Variants in TNIK observed in about 807,000 individuals in gnomAD.
The protein encoded by TNIK is TRAF2 and NCK-interacting protein kinase.
A neutral mutation model predicts 191.3 loss-of-function variants in TNIK; 49 were observed. The observed-to-expected ratio is 0.26, with a 90% CI of 0.20 to 0.32. TNIK has a LOEUF of 0.32. Among genes scored for constraint, TNIK ranks in the 10% least tolerant of loss-of-function variants. The pLI, the probability that TNIK is intolerant of heterozygous loss-of-function variation, is 1.00. For synonymous variants in TNIK, 594 were observed against 600.9 expected (o/e 0.99, Z 0.17); for missense variants, 1,155 against 1,702.3 (o/e 0.68, Z 5.66).
chr3:171,364,365 A>AT (rs1057276857), intron 2 of TNIK, among the ~76,000 whole-genome samples: 11 of 135,830 alleles, frequency 8.1e-5, no homozygotes, highest in African/African-American at 3.3e-4. Context: ...ATCCCATTAT[A>AT]AAAAAAAAAA....
chr3:171,366,298 T>C lies in TNIK; in HGVS notation c.123+3322A>G, dbSNP rs183439508. ...AACAGACATTGAATCACTACTTGAT[T>C]AGATGGGACTAAAATGCTAAAGATA... On this transcript the variant is annotated intron_variant, in intron 2 of 32. Coordinates refer to ENST00000436636, the MANE Select transcript of TNIK (RefSeq NM_015028.4). This position sits in a 1 kb window ranked among gnomAD's most constrained non-coding sequence, Gnocchi z 4.1. 5.9e-5 allele frequency among the ~76,000 whole-genome samples: 9 copies of C among 152,300 alleles called. No individual in the cohort carries two copies. The East Asian group carries it at 1.5e-3, about 26-fold the overall frequency.
intron 22 of TNIK, among the ~76,000 whole-genome samples, chr3:171,094,220 T>C (rs55924694): frequency 0.098 from 14,823 of 151,876 alleles, 807 homozygotes; most frequent in Middle Eastern, 0.16. Context: ...CTGCAAGCTC[T>C]GCCTCCCAGG....
chr3:171,459,555 G>C (rs931456050), intron 1 of TNIK, among the ~76,000 whole-genome samples: 1 of 152,092 alleles, frequency 6.6e-6, no homozygotes, highest in Admixed American at 6.5e-5. Flanking sequence ...GCCTCACAAT[G>C]TCATCTTGCA....
chr3:171,252,352 C>T (rs936807678), intron 2 of TNIK, among the ~76,000 whole-genome samples: 20 of 151,944 alleles, frequency 1.3e-4, no homozygotes, highest in African/African-American at 4.8e-4. Context: ...ATATGGGCAG[C>T]CGATGAAAAT....
intron 30 of TNIK, among the ~76,000 whole-genome samples, chr3:171,068,602 C>T (rs1718765719): frequency 6.6e-6 from 1 of 152,124 alleles, no homozygotes; most frequent in Admixed American, 6.5e-5. Flanking sequence ...AATCTAAAGT[C>T]CAAAGAGACA....
Position 171,108,127 on chromosome 3 carries a change from G to A in TNIK, c.2320C>T (p.His774Tyr). 1.9e-6 allele frequency: 3 copies of A among 1,576,080 alleles called. No homozygotes were observed. Among genetic ancestry groups the A allele is most frequent in the Non-Finnish European group, 2.6e-6 (3 of 1,159,738 alleles). The change falls in exon 20 of 33, where the codon CAT becomes TAT. Residue 774 changes from histidine to tyrosine, a missense_variant. Physicochemically the swap from His to Tyr is moderately conservative, Grantham distance 83. This residue lies in a region of TNIK where 735 missense variants were observed against 848.0 expected (regional missense o/e 0.87). Coordinates refer to ENST00000436636, the MANE Select transcript of TNIK (RefSeq NM_015028.4). ...SKSEGSPVLP[H>Y]EPAKVKPEES... is the part of the protein sequence containing the mutation. Reference sequence around the variant, plus strand: ...TCTGGTTTCACCTTCGCAGGCTCATGGGGGAGCACAGGTGATCCTTCTGAC... The same window carrying A: ...TCTGGTTTCACCTTCGCAGGCTCATAGGGGAGCACAGGTGATCCTTCTGAC...
At chr3:171,084,987 A>G in intron 25 of TNIK, 131 bp downstream of exon 25, 1 of 622,994 alleles carries the variant, frequency 1.6e-6, no homozygotes, top group Non-Finnish European at 2.6e-6. Context: ...TAATTTTAAA[A>G]AGTCTTCCTT....
At chr3:171,300,321 A>G (rs1386315309) in intron 2 of TNIK, among the ~76,000 whole-genome samples, 1 of 152,220 alleles carries the variant, frequency 6.6e-6, no homozygotes, top group Non-Finnish European at 1.5e-5. Context: ...GCCAGGAAGA[A>G]CAGGAGTATG....
chr3:171,107,373 T>C (rs1486802523), intron 20 of TNIK, among the ~76,000 whole-genome samples, 167 bp from the exon 21 acceptor site: 1 of 152,134 alleles, frequency 6.6e-6, no homozygotes, highest in Non-Finnish European at 1.5e-5. Flanking sequence ...ATTATTACTC[T>C]CGGTATACGT....
At chr3:171,356,419 A>C (rs987758366) in intron 2 of TNIK, among the ~76,000 whole-genome samples, 2 of 152,264 alleles carry the variant, frequency 1.3e-5, no homozygotes, top group South Asian at 2.1e-4. Flanking sequence ...GTACAAAAAC[A>C]CAGTGTCCCC....
chr3:171,459,238 A>G (rs1051518141), intron 1 of TNIK, among the ~76,000 whole-genome samples: 6 of 152,024 alleles, frequency 3.9e-5, no homozygotes, highest in Admixed American at 3.3e-4. Flanking sequence ...ACACACACAC[A>G]CACACTCGCA....
rs1035786276 is a variant in TNIK, at chr3:171,460,379, G to C, written c.-316C>G. The C allele has an allele frequency of 3.5e-5, 16 of 453,046 alleles. No homozygotes were observed. The highest frequency in any genetic ancestry group is 6.1e-4 in the Middle Eastern group (1 of 1,628). 28.1% of individuals were successfully genotyped at this position (453,046 alleles called of 1,614,324 possible). ...ATGGGACATGCTTCTTTGCTTGTGCGTGGATGGCGGCTGCATTGGCTGTTA... is the reference window on the plus strand; with the variant it reads ...ATGGGACATGCTTCTTTGCTTGTGCCTGGATGGCGGCTGCATTGGCTGTTA... On this transcript the variant is annotated 5_prime_UTR_variant, in exon 1 of 33. Coordinates refer to ENST00000436636, the MANE Select transcript of TNIK (RefSeq NM_015028.4). The surrounding 1 kb of genome is among the most constrained non-coding windows in gnomAD (Gnocchi z 6.8).
chr3:171,431,337 C>T (rs1374912031), intron 1 of TNIK, among the ~76,000 whole-genome samples: 1 of 151,944 alleles, frequency 6.6e-6, no homozygotes, highest in African/African-American at 2.4e-5. Context: ...ATATATTTAG[C>T]GTCTTTAGAG....
intron 2 of TNIK, among the ~76,000 whole-genome samples, chr3:171,290,648 C>T (rs1751582711): frequency 6.6e-6 from 1 of 152,190 alleles, no homozygotes. Flanking sequence ...TTGCCAGAAT[C>T]TTATCTTTAA....
At chr3:171,132,340 A>G (rs1729424391) in intron 15 of TNIK, among the ~76,000 whole-genome samples, 3 of 152,320 alleles carry the variant, frequency 2.0e-5, no homozygotes, top group Admixed American at 2.0e-4. Flanking sequence ...ATAACTTTGG[A>G]GAAGTTTGGA....
chr3:171,129,242 A>C (rs1728915564), intron 15 of TNIK, among the ~76,000 whole-genome samples: 1 of 152,306 alleles, frequency 6.6e-6, no homozygotes, highest in Admixed American at 6.5e-5. Context: ...AGACAATCAA[A>C]GGGAATGGTA....
At chr3:171,342,188 G>C (rs1165493887) in intron 2 of TNIK, among the ~76,000 whole-genome samples, 1 of 152,164 alleles carries the variant, frequency 6.6e-6, no homozygotes, top group African/African-American at 2.4e-5. Context: ...TACCTGGAGG[G>C]TTTGTTACCC....
intron 1 of TNIK, among the ~76,000 whole-genome samples, chr3:171,398,772 T>A (rs1030464137): frequency 6.6e-6 from 1 of 152,240 alleles, no homozygotes; most frequent in African/African-American, 2.4e-5. Context: ...ATGGTTCCTT[T>A]GACGTGTCAT....
chr3:171,241,023 T>C (rs1329627566), intron 2 of TNIK, among the ~76,000 whole-genome samples: 1 of 146,960 alleles, frequency 6.8e-6, no homozygotes, highest in East Asian at 1.9e-4. Flanking sequence ...TCTGTTTCTT[T>C]TTTTTTCTTT....
Sources: gnomAD v4.1 joint callset for allele counts (sites outside exome capture counted in the v4.1 genomes callset) on GRCh38, gnomAD v4.1.1 for gene constraint, gnomAD v4.1.1 regional missense constraint, Gnocchi (gnomAD v3.1) non-coding constraint, MANE v1.5 for transcripts, NCBI Gene and HGNC (gene_info 2026-07-23, HGNC 2026-07-21) for gene names.